Variants in CNTNAP2 observed in about 807,000 individuals in gnomAD.
CNTNAP2 encodes contactin-associated protein-like 2.
CNTNAP2 carries 98 observed loss-of-function variants against 155.2 expected under a neutral mutation model. That is an observed-to-expected ratio of 0.63 (90% CI 0.54 to 0.75). The LOEUF (loss-of-function observed/expected upper bound fraction) is 0.75, where lower values mean the gene tolerates loss of function less well. CNTNAP2 is among the 30% of genes least tolerant of loss of function. The probability of loss-of-function intolerance (pLI) is 0.00; values close to 1 mark genes in which losing one functional copy is unlikely to be tolerated. For synonymous variants in CNTNAP2, 651 were observed against 631.2 expected (o/e 1.03, Z -0.47); for missense variants, 1,727 against 1,688.1 (o/e 1.02, Z -0.40).
chr7:146,230,518 G>A (rs930679527), intron 1 of CNTNAP2, among the ~76,000 whole-genome samples: 5 of 152,006 alleles, frequency 3.3e-5, no homozygotes, highest in African/African-American at 9.7e-5. Context: ...CTTTGCATGG[G>A]TAAAGAATAA....
chr7:147,757,319 C>T (rs574935736), intron 13 of CNTNAP2, among the ~76,000 whole-genome samples: 4 of 152,236 alleles, frequency 2.6e-5, no homozygotes, highest in African/African-American at 4.8e-5. Context: ...TTTTAAAGAA[C>T]GCTTTTTTCT....
At chr7:146,193,441 C>T (rs6959235) in intron 1 of CNTNAP2, among the ~76,000 whole-genome samples, 44,057 of 152,190 alleles carry the variant, frequency 0.29, 7,242 homozygotes, top group African/African-American at 0.44. Context: ...TCTTGACTTC[C>T]GTGCATTCAC....
intron 14 of CNTNAP2, among the ~76,000 whole-genome samples, chr7:147,908,653 G>C (rs751785182): frequency 6.6e-6 from 1 of 152,180 alleles, no homozygotes; most frequent in Non-Finnish European, 1.5e-5. Context: ...ACAGAGAAGG[G>C]CTGGGAGATT....
chr7:146,922,437 G>T (rs1299980502), intron 3 of CNTNAP2, among the ~76,000 whole-genome samples: 4 of 152,066 alleles, frequency 2.6e-5, no homozygotes, highest in African/African-American at 4.8e-5. Flanking sequence ...GAACGTAGTG[G>T]TGAGGCAAGT....
rs544073890 is a variant in CNTNAP2, at chr7:147,990,519, C to T, written c.2383+12530C>T. Among the ~76,000 whole-genome samples the T allele has an allele frequency of 1.2e-3, 180 of 151,486 alleles. 1 individual carries two copies. Among genetic ancestry groups the T allele is most frequent in the Non-Finnish European group, 2.0e-3 (134 of 67,898 alleles). ...GGTTATCTTGGGGCTGACATCTCTC[C>T]GGCCTCTCTGGCCAGAGGGGAGATT... On this transcript the variant is annotated intron_variant, in intron 15 of 23. Coordinates refer to ENST00000361727, the MANE Select transcript of CNTNAP2 (RefSeq NM_014141.6).
rs1462980508 is a variant in CNTNAP2 at position 147,629,431 on chromosome 7, A to G, written c.1898-9675A>G. On this transcript the variant is annotated intron_variant, in intron 12 of 23. Transcript: ENST00000361727. ...AAATAATAATAATAATAATAATAAT[A>G]ATAATAATAATAATAATAGACATAA... 2.7e-5 allele frequency among the ~76,000 whole-genome samples: 4 copies of G among 147,208 alleles called. No individual in the cohort carries two copies. In the East Asian group the frequency reaches 5.9e-4, roughly 22 times the overall value.
At chr7:146,209,465 G>T (rs1799001208) in intron 1 of CNTNAP2, among the ~76,000 whole-genome samples, 1 of 152,158 alleles carries the variant, frequency 6.6e-6, no homozygotes, top group Non-Finnish European at 1.5e-5. Flanking sequence ...GCCAGTTGAG[G>T]CCTCACCCAG....
intron 13 of CNTNAP2, among the ~76,000 whole-genome samples, chr7:147,775,352 T>C (rs1226502255): frequency 2.3e-5 from 1 of 44,190 alleles, no homozygotes; most frequent in Non-Finnish European, 3.6e-5. Context: ...TATATATTTA[T>C]ATATATTTAT....
intron 10 of CNTNAP2, among the ~76,000 whole-genome samples, chr7:147,483,102 A>C (rs1798452228): frequency 6.6e-6 from 1 of 151,962 alleles, no homozygotes; most frequent in South Asian, 2.1e-4. Flanking sequence ...AAAATATTAA[A>C]ATTGTATCTA....
At chr7:147,322,202 G>C (rs932335336) in intron 9 of CNTNAP2, among the ~76,000 whole-genome samples, 1 of 152,164 alleles carries the variant, frequency 6.6e-6, no homozygotes, top group Non-Finnish European at 1.5e-5. Flanking sequence ...GTTTACGCAT[G>C]TATCACCTCA....
intron 1 of CNTNAP2, among the ~76,000 whole-genome samples, chr7:146,435,177 T>C (rs1236033266): frequency 6.6e-6 from 1 of 152,194 alleles, no homozygotes. Context: ...GGGATGAGTA[T>C]ATAAAATCTG....
intron 1 of CNTNAP2, among the ~76,000 whole-genome samples, chr7:146,652,068 T>A (rs1180144825): frequency 2.0e-5 from 3 of 151,966 alleles, no homozygotes; most frequent in Admixed American, 1.3e-4. Flanking sequence ...AACGATAAAT[T>A]GAACAACAAT....
chr7:146,824,834 A>T (rs1482279580), intron 2 of CNTNAP2, among the ~76,000 whole-genome samples: 1 of 148,446 alleles, frequency 6.7e-6, no homozygotes, highest in Non-Finnish European at 1.5e-5. Context: ...TATTGTCCTT[A>T]TTAAGGTGTA....
chr7:146,396,579 TG>T (rs58576138), intron 1 of CNTNAP2, among the ~76,000 whole-genome samples: 20,147 of 151,932 alleles, frequency 0.13, 1,622 homozygotes, highest in African/African-American at 0.23. Context: ...TAAAATGTTT[TG>T]TGGAACTAAT....
At chr7:146,492,290 AC>A (rs1797153132) in intron 1 of CNTNAP2, among the ~76,000 whole-genome samples, 1 of 152,024 alleles carries the variant, frequency 6.6e-6, no homozygotes, top group Non-Finnish European at 1.5e-5. Context: ...AGTAACTAAT[AC>A]GATTTCCACA....
At chr7:147,111,231 T>C (rs1800872704) in intron 5 of CNTNAP2, among the ~76,000 whole-genome samples, 1 of 152,208 alleles carries the variant, frequency 6.6e-6, no homozygotes, top group African/African-American at 2.4e-5. Context: ...TGTTTTTGTC[T>C]TGTAAATTTA....
chr7:147,876,756 T>G (rs1799425844), intron 13 of CNTNAP2, among the ~76,000 whole-genome samples: 1 of 152,102 alleles, frequency 6.6e-6, no homozygotes, highest in Non-Finnish European at 1.5e-5. Context: ...GTGCTTATTA[T>G]TGGTGTGATG....
At chr7:147,265,047 C>A (rs534471460) in intron 8 of CNTNAP2, among the ~76,000 whole-genome samples, 4 of 152,138 alleles carry the variant, frequency 2.6e-5, no homozygotes, top group Admixed American at 2.6e-4. Flanking sequence ...ACCTGAGACC[C>A]AGGTCACCCT....
intron 1 of CNTNAP2, among the ~76,000 whole-genome samples, chr7:146,758,025 T>C (rs1345502284): frequency 6.6e-6 from 1 of 152,198 alleles, no homozygotes; most frequent in Non-Finnish European, 1.5e-5. Flanking sequence ...CAGTGTTTAT[T>C]TTTTGTAATG....
Sources: allele counts gnomAD v4.1 joint callset (sites outside exome capture counted in the v4.1 genomes callset), GRCh38; gene constraint gnomAD v4.1.1; transcripts MANE v1.5; gene names NCBI Gene and HGNC (gene_info 2026-07-23, HGNC 2026-07-21).